The following PARP1 variants were observed in gnomAD, a reference collection of about 807,000 sequenced individuals.
The protein encoded by PARP1 is poly(ADP-ribose) polymerase 1, also known as poly [ADP-ribose] polymerase 1.
PARP1 carries 44 observed loss-of-function variants against 118.7 expected under a neutral mutation model. The ratio of observed to expected loss-of-function variants is 0.37; its 90% CI spans 0.29 to 0.48. The LOEUF (loss-of-function observed/expected upper bound fraction) is 0.48, where lower values mean the gene tolerates loss of function less well. Among genes scored for constraint, PARP1 ranks in the 20% least tolerant of loss-of-function variants. The probability of loss-of-function intolerance (pLI) is 0.99; values close to 1 mark genes in which losing one functional copy is unlikely to be tolerated. For synonymous variants in PARP1, 492 were observed against 483.2 expected, an observed-to-expected ratio of 1.02 and a Z score of -0.24; for missense variants, 1,100 against 1,272.4, an observed-to-expected ratio of 0.86 and a Z score of 2.06.
intron 13 of PARP1, among the ~76,000 whole-genome samples, chr1:226,374,820 C>T (rs565885842): frequency 6.6e-6 from 1 of 152,338 alleles, no homozygotes; most frequent in African/African-American, 2.4e-5. Context: ...ATATAGCCTT[C>T]TCTAAATTCC....
chr1:226,379,860 A>C, intron 10 of PARP1, 62 bp downstream of exon 10: 1 of 1,611,488 alleles, frequency 6.2e-7, no homozygotes, highest in Non-Finnish European at 8.5e-7. Flanking sequence ...TTCCGTGGAC[A>C]ACAACCTGGC....
Position 226,366,038 on chromosome 1 carries a change from ATC to A in PARP1, c.2419_2420del (p.Asp807PhefsTer2). ...LKTDIKVVDR[D>X]SEEAEIIRKY... Reference sequence around the variant, plus strand: ...TCCTGATGATCTCGGCTTCTTCAGAATCTCTGTCAACCACCTGGATAAACAGA... The same window carrying A: ...TCCTGATGATCTCGGCTTCTTCAGAATCTGTCAACCACCTGGATAAACAGA... On this transcript the variant is annotated frameshift_variant, in exon 18 of 23. Coordinates refer to ENST00000366794, the MANE Select transcript of PARP1 (RefSeq NM_001618.4). LOFTEE classifies it high-confidence loss of function. 2 of 1,612,098 alleles carry A rather than the reference ATC, an allele frequency of 1.2e-6. No homozygotes were observed. Among genetic ancestry groups the A allele is most frequent in the Non-Finnish European group, 1.7e-6 (2 of 1,178,144 alleles).
In PARP1 at chr1:226,390,415, A is replaced by G; in HGVS notation, c.612T>C (p.Ser204=). The part of the protein sequence containing the change: ...ALKKQLPGVK[S]EGKRKGDEVD... ...CCCCGCAGTGCTCCACCCACCCTTC[A>G]CTCTTGACTCCTGGGAGCTGCTTCT... is the stretch of plus-strand genomic sequence containing the variant. Residue 204 remains serine, a synonymous_variant, in exon 4 of 23, where the codon AGT becomes AGC. Coordinates refer to ENST00000366794, the MANE Select transcript of PARP1 (RefSeq NM_001618.4). The G allele has an allele frequency of 6.2e-7, 1 of 1,612,816 alleles. No homozygotes were observed. The highest frequency in any genetic ancestry group is 1.3e-5 in the African/African-American group (1 of 74,722).
Position 226,361,163 on chromosome 1 carries a change from A to G in PARP1, c.*297T>C. On this transcript the variant is annotated 3_prime_UTR_variant, in exon 23 of 23. Transcript: ENST00000366794. ...ATTCTAACGAAGCTTGGTTTTTTCCATAGGACTAGTCTATGCAACAGAATC... is the reference window on the plus strand; with the variant it reads ...ATTCTAACGAAGCTTGGTTTTTTCCGTAGGACTAGTCTATGCAACAGAATC... 1 of 449,944 alleles carries G rather than the reference A, an allele frequency of 2.2e-6. No homozygotes were observed. Among genetic ancestry groups the G allele is most frequent in the Non-Finnish European group, 4.0e-6 (1 of 247,932 alleles). The allele number at this position is 449,944 out of a possible 1,614,324, so 27.9% of individuals were successfully genotyped here.
At chr1:226,389,351 C>A (rs1237094679) in intron 4 of PARP1, among the ~76,000 whole-genome samples, 1 of 152,226 alleles carries the variant, frequency 6.6e-6, no homozygotes, top group Admixed American at 6.5e-5. Context: ...GAGGCTATCA[C>A]CTGCCCCCAA....
At position 226,392,608 on chromosome 1, in the gene PARP1, C is replaced by T. The variant is rs534027856; in HGVS notation, c.287-294G>A. 2.3e-4 allele frequency: 128 copies of T among 545,488 alleles called. 5 individuals are homozygous for T. In the South Asian group the frequency reaches 2.5e-3, roughly 10 times the overall value. The allele number at this position is 545,488 out of a possible 1,614,324, so 33.8% of individuals were successfully genotyped here. ...CTCCCCTTTCTCTGGAGGCCCCTCC[C>T]ACACTTTAGAAAGCACTTATTAGGT... is the stretch of plus-strand genomic sequence containing the variant. On this transcript the variant is annotated intron_variant, in intron 2 of 22. Transcript: ENST00000366794.
Position 226,389,249 on chromosome 1 carries a change from G to C in PARP1, c.618-494C>G, listed in dbSNP as rs1664779196. The stretch of plus-strand genomic sequence containing the variant: ...AGGGAAAGAGGCTGCTCACAGAGGT[G>C]GGGCTGTACTGCCATATAAAGCCCT... On this transcript the variant is annotated intron_variant, in intron 4 of 22. Coordinates refer to ENST00000366794, the MANE Select transcript of PARP1 (RefSeq NM_001618.4). Among the ~76,000 whole-genome samples, 3 of 151,968 alleles carry C rather than the reference G, an allele frequency of 2.0e-5. No homozygotes were observed. The South Asian group carries it at 6.2e-4, about 32-fold the overall frequency.
At chr1:226,361,563 A>C in intron 22 of PARP1, 22 bp from the exon 23 acceptor site, 1 of 1,514,564 alleles carries the variant, frequency 6.6e-7, no homozygotes, top group African/African-American at 1.4e-5. Flanking sequence ...CTTGTTAAGG[A>C]GCCAACAGCC....
At chr1:226,407,435 A>C (rs950552244) in intron 1 of PARP1, among the ~76,000 whole-genome samples, 11 of 151,784 alleles carry the variant, frequency 7.2e-5, no homozygotes, top group Non-Finnish European at 1.3e-4. Flanking sequence ...AACCCTCCAG[A>C]ACAAGATAGG....
intron 17 of PARP1, chr1:226,367,269 C>T: frequency 1.7e-6 from 1 of 598,532 alleles, no homozygotes; most frequent in Admixed American, 2.8e-5. Context: ...GCCTTGCAAA[C>T]AAGGTGCATT....
Position 226,379,557 on chromosome 1 carries a change from A to T in PARP1, c.1612+16T>A. On this transcript the variant is annotated intron_variant, in intron 11 of 22. Transcript: ENST00000366794. ...GGGCGGCACAGCCCACTTTGCTGGC[A>T]GTCCTGTTTGCTTACCAGAATCAGG... 3.1e-6 allele frequency: 5 copies of T among 1,604,112 alleles called. No individual in the cohort carries two copies. Among genetic ancestry groups the T allele is most frequent in the Non-Finnish European group, 4.3e-6 (5 of 1,171,144 alleles).
chr1:226,399,305 C>T (rs969830273), intron 2 of PARP1, among the ~76,000 whole-genome samples: 2 of 151,718 alleles, frequency 1.3e-5, no homozygotes, highest in South Asian at 2.1e-4. Context: ...CTCCTGACCT[C>T]GTAATCTGCT....
intron 20 of PARP1, 60 bp from the exon 21 acceptor site, chr1:226,363,220 T>C: frequency 8.7e-7 from 1 of 1,143,976 alleles, no homozygotes; most frequent in Non-Finnish European, 1.3e-6. Flanking sequence ...AAACCAACAG[T>C]TTGATTAGGA....
chr1:226,397,234 T>C (rs1373217801), intron 2 of PARP1, among the ~76,000 whole-genome samples: 1 of 151,762 alleles, frequency 6.6e-6, no homozygotes, highest in Admixed American at 6.6e-5. Context: ...CGTGGGAGGA[T>C]TGCTTGAGCC....
chr1:226,406,865 G>A (rs944482631), intron 1 of PARP1, among the ~76,000 whole-genome samples: 1 of 152,170 alleles, frequency 6.6e-6, no homozygotes, highest in Non-Finnish European at 1.5e-5. Flanking sequence ...AATCCACTGA[G>A]GGATATCTGG....
At chr1:226,378,419 A>AG (rs1472782148) in intron 12 of PARP1, among the ~76,000 whole-genome samples, 2 of 151,600 alleles carry the variant, frequency 1.3e-5, no homozygotes, top group Non-Finnish European at 2.9e-5. Context: ...AAAAAAAAAA[A>AG]GGCAAATCCA....
chr1:226,389,196 T>C (rs1029945051), intron 4 of PARP1, among the ~76,000 whole-genome samples: 1 of 152,106 alleles, frequency 6.6e-6, no homozygotes, highest in African/African-American at 2.4e-5. Flanking sequence ...TCCAGGGAGC[T>C]AGGCCTTTTG....
chr1:226,395,362 CATT>C (rs1664895290), intron 2 of PARP1, among the ~76,000 whole-genome samples: 2 of 152,106 alleles, frequency 1.3e-5, no homozygotes, highest in South Asian at 4.1e-4. Context: ...TATTCATTAT[CATT>C]ATTATGAATA....
chr1:226,392,793 A>T, intron 2 of PARP1: 2 of 719,024 alleles, frequency 2.8e-6, no homozygotes, highest in South Asian at 4.1e-5. Flanking sequence ...TATCATTTCA[A>T]ATTAGTGGGA....
Sources: allele counts gnomAD v4.1 joint callset (sites outside exome capture counted in the v4.1 genomes callset), GRCh38; gene constraint gnomAD v4.1.1; transcripts MANE v1.5; gene names NCBI Gene and HGNC (gene_info 2026-07-23, HGNC 2026-07-21).